Variants in IGFBP5 observed in about 807,000 individuals in gnomAD.
IGFBP5 encodes the protein insulin-like growth factor-binding protein 5.
A neutral mutation model predicts 28.0 loss-of-function variants in IGFBP5; 12 were observed. That is an observed-to-expected ratio of 0.43 (90% confidence interval 0.27 to 0.69). The LOEUF is 0.69. Ranked by LOEUF, IGFBP5 falls within the 30% of genes least tolerant of loss-of-function variation. The pLI is 0.20. For synonymous variants in IGFBP5, 152 were observed against 150.2 expected (o/e 1.01, Z -0.09); for missense variants, 344 against 381.6 (o/e 0.90, Z 0.82).
intron 1 of IGFBP5, among the ~76,000 whole-genome samples, chr2:216,680,458 G>A (rs1293497778): frequency 6.6e-6 from 1 of 152,188 alleles, no homozygotes; most frequent in African/African-American, 2.4e-5. Flanking sequence ...CCTCTGGGCA[G>A]GTATAGAACC....
intron 1 of IGFBP5, among the ~76,000 whole-genome samples, chr2:216,689,176 T>A (rs2106224347): frequency 6.6e-6 from 1 of 152,302 alleles, no homozygotes; most frequent in East Asian, 1.9e-4. Flanking sequence ...AGCGGGCCAC[T>A]TCTGCACCAT....
intron 1 of IGFBP5, among the ~76,000 whole-genome samples, chr2:216,680,199 G>A (rs1688956627): frequency 1.3e-5 from 2 of 152,208 alleles, no homozygotes; most frequent in South Asian, 4.2e-4. Flanking sequence ...GAGGTGGGGG[G>A]CCCTGTCTTC....
rs1190615085 is a variant in IGFBP5 at position 216,676,399 on chromosome 2, C to T, written c.*352G>A. 1 of 173,304 alleles carries T rather than the reference C, an allele frequency of 5.8e-6. No individual in the cohort carries two copies. The highest frequency in any genetic ancestry group is 1.8e-4 in the East Asian group (1 of 5,478). The allele number at this position is 173,304 out of a possible 1,614,324, so 10.7% of individuals were successfully genotyped here. On this transcript the variant is annotated 3_prime_UTR_variant, in exon 4 of 4. Transcript: ENST00000233813. ...ATGTCCTTCCTGCCCACCTGCTTGT[C>T]TTCCTTTTCCTAACTCTATTCGTCT...
intron 1 of IGFBP5, among the ~76,000 whole-genome samples, chr2:216,690,345 G>A (rs1451238429): frequency 6.6e-6 from 1 of 152,126 alleles, no homozygotes; most frequent in Non-Finnish European, 1.5e-5. Flanking sequence ...TGCTCTTTAT[G>A]ATCTTCTTCC....
At chr2:216,684,884 C>CTT (rs1223449071) in intron 1 of IGFBP5, among the ~76,000 whole-genome samples, 5 of 152,168 alleles carry the variant, frequency 3.3e-5, no homozygotes, top group Non-Finnish European at 7.3e-5. Flanking sequence ...ATAACCCTGC[C>CTT]GCAGGGCACA....
At position 216,679,147 on chromosome 2, in the gene IGFBP5, G is replaced by C; in HGVS notation, c.338-68C>G. 7.9e-7 allele frequency: 1 copy of C among 1,261,508 alleles called. No homozygotes were observed. The highest frequency in any genetic ancestry group is 1.2e-6 in the Non-Finnish European group (1 of 865,686). The allele number at this position is 1,261,508 out of a possible 1,614,324, so 78.1% of individuals were successfully genotyped here. ...GTGCACACGGCCAGAGCCCAGGGCT[G>C]GGCAGTTTGGGGTGAGGGGAGTAAT... On this transcript the variant is annotated intron_variant, in intron 1 of 3. Coordinates refer to ENST00000233813, the MANE Select transcript of IGFBP5 (RefSeq NM_000599.4). This position sits in a 1 kb window ranked among gnomAD's most constrained non-coding sequence, Gnocchi z 4.6.
intron 1 of IGFBP5, among the ~76,000 whole-genome samples, chr2:216,689,121 G>A (rs1689063977): frequency 6.6e-6 from 1 of 152,088 alleles, no homozygotes; most frequent in Admixed American, 6.6e-5. Context: ...ACCCTCTCTC[G>A]ATCTCTGCTT....
chr2:216,690,400 A>T (rs909449530), intron 1 of IGFBP5, among the ~76,000 whole-genome samples: 3 of 152,138 alleles, frequency 2.0e-5, no homozygotes, highest in Non-Finnish European at 4.4e-5. Flanking sequence ...TCTCTTCTCC[A>T]GAGTTTTATT....
intron 1 of IGFBP5, among the ~76,000 whole-genome samples, chr2:216,687,739 C>G (rs1434233805): frequency 2.0e-5 from 3 of 152,150 alleles, no homozygotes; most frequent in South Asian, 2.1e-4. Context: ...GGAGGAAGCA[C>G]TGGGCAGCTT....
rs1228569317 is a variant in IGFBP5 at position 216,672,305 on chromosome 2, T to G, written c.*4446A>C. ...CCGAGCTCTTCCGCATTCAGGTGTTTTTTTTTTTTTTTTCGGCTTTTTTTT... is the reference window on the plus strand; with the variant it reads ...CCGAGCTCTTCCGCATTCAGGTGTTGTTTTTTTTTTTTTCGGCTTTTTTTT... On this transcript the variant is annotated 3_prime_UTR_variant, in exon 4 of 4. Transcript: ENST00000233813. The G allele has an allele frequency of 2.7e-5, 4 of 150,598 alleles. No individual in the cohort carries two copies. The highest frequency in any genetic ancestry group is 5.9e-5 in the Non-Finnish European group (4 of 67,798). 9.3% of individuals were successfully genotyped at this position (150,598 alleles called of 1,614,324 possible). A position where few individuals can be genotyped will look rare whatever the true frequency, so the allele number is the denominator to read the frequency against.
intron 1 of IGFBP5, among the ~76,000 whole-genome samples, chr2:216,682,815 TCTC>T (rs1248077258): frequency 6.6e-6 from 1 of 151,880 alleles, no homozygotes; most frequent in African/African-American, 2.4e-5. Context: ...TTTACGCCAT[TCTC>T]CTGCCTCATC....
intron 1 of IGFBP5, among the ~76,000 whole-genome samples, chr2:216,683,549 G>T (rs72952591): frequency 1.1e-4 from 17 of 152,312 alleles, no homozygotes; most frequent in Non-Finnish European, 2.5e-4. Context: ...GGCAGGTGAG[G>T]GAGAGGGGAA....
rs957698264 is a variant in IGFBP5 at position 216,672,724 on chromosome 2, T to G, written c.*4027A>C. 1.3e-5 allele frequency: 2 copies of G among 152,544 alleles called. No homozygotes were observed. The highest frequency in any genetic ancestry group is 1.3e-4 in the Admixed American group (2 of 15,278). 9.4% of individuals were successfully genotyped at this position (152,544 alleles called of 1,614,324 possible). A position where few individuals can be genotyped will look rare whatever the true frequency, so the allele number is the denominator to read the frequency against. On this transcript the variant is annotated 3_prime_UTR_variant, in exon 4 of 4. Transcript: ENST00000233813. ...CAGGGAAGCTGGGGTCCCCTTCCCC[T>G]CGGACCCTCCCCACCTTCCCTTTCC...
At chr2:216,689,961 A>G (rs904921664) in intron 1 of IGFBP5, among the ~76,000 whole-genome samples, 87 of 142,722 alleles carry the variant, frequency 6.1e-4, no homozygotes, top group African/African-American at 2.2e-3. Flanking sequence ...ACTCCTCTGG[A>G]TTTATATTTT....
intron 1 of IGFBP5, among the ~76,000 whole-genome samples, chr2:216,693,207 T>C (rs1455013943): frequency 2.0e-5 from 3 of 151,966 alleles, no homozygotes; most frequent in East Asian, 3.9e-4. Flanking sequence ...AAACTCAGTC[T>C]AAGGGGGTAG....
chr2:216,678,000 A>G (rs747426903), intron 3 of IGFBP5, 112 bp downstream of exon 3: 90 of 1,040,140 alleles, frequency 8.7e-5, no homozygotes, highest in East Asian at 5.8e-5. Context: ...GAGGCCCAGG[A>G]AACACTAAGT....
At chr2:216,689,288 C>T (rs1004415646) in intron 1 of IGFBP5, among the ~76,000 whole-genome samples, 3 of 152,178 alleles carry the variant, frequency 2.0e-5, no homozygotes, top group African/African-American at 2.4e-5. Context: ...TGAGGTTTGG[C>T]GCATGGACCT....
chr2:216,693,321 C>A (rs1254548980), intron 1 of IGFBP5, among the ~76,000 whole-genome samples: 3 of 151,738 alleles, frequency 2.0e-5, no homozygotes, highest in Non-Finnish European at 4.4e-5. Flanking sequence ...CAAGCGGAGG[C>A]GAGGCTCCCA....
chr2:216,690,928 A>G (rs961736358), intron 1 of IGFBP5, among the ~76,000 whole-genome samples: 6 of 150,814 alleles, frequency 4.0e-5, no homozygotes, highest in Non-Finnish European at 5.9e-5. Flanking sequence ...AGGTGGCGAG[A>G]AAAGTCCAGT....
Sources: allele counts gnomAD v4.1 joint callset (sites outside exome capture counted in the v4.1 genomes callset), GRCh38; gene constraint gnomAD v4.1.1; non-coding constraint Gnocchi (gnomAD v3.1); transcripts MANE v1.5; gene names NCBI Gene and HGNC (gene_info 2026-07-23, HGNC 2026-07-21).